TBC1D9B: variants seen among roughly 807,000 people sequenced by gnomAD.
TBC1D9B encodes TBC1 domain family member 9B.
Under a neutral mutation model 121.1 loss-of-function variants are expected in TBC1D9B, and 87 were observed. The ratio of observed to expected loss-of-function variants is 0.72; its 90% CI spans 0.60 to 0.86. The LOEUF is 0.86. TBC1D9B is among the 40% of genes least tolerant of loss of function. TBC1D9B has a pLI of 0.00. For synonymous variants in TBC1D9B, 668 were observed against 670.1 expected, an observed-to-expected ratio of 1.00 and a Z score of 0.05; for missense variants, 1,540 against 1,628.6, an observed-to-expected ratio of 0.95 and a Z score of 0.94.
intron 2 of TBC1D9B, among the ~76,000 whole-genome samples, chr5:179,903,763 G>A (rs1761226385): frequency 6.6e-6 from 1 of 152,198 alleles, no homozygotes; most frequent in Non-Finnish European, 1.5e-5. Context: ...TTAGGAACAA[G>A]AGCGCTATGC....
intron 1 of TBC1D9B, among the ~76,000 whole-genome samples, chr5:179,906,133 G>A (rs1223890732): frequency 6.6e-6 from 1 of 152,232 alleles, no homozygotes; most frequent in East Asian, 1.9e-4. Context: ...AGGTTGGCAT[G>A]TTTTTAATAG....
At position 179,899,324 on chromosome 5, in the gene TBC1D9B, A is replaced by G. The variant is rs775363612; in HGVS notation, c.230-17T>C. The G allele has an allele frequency of 1.1e-5, 17 of 1,606,152 alleles. No homozygotes were observed. Among genetic ancestry groups the G allele is most frequent in the Non-Finnish European group, 1.4e-5 (17 of 1,174,354 alleles). ...GGGAAGAACCTAGAAGAGGTTTGGTAAAGTAAAAGAAAAATCATGAATTCC... is the reference window on the plus strand; with the variant it reads ...GGGAAGAACCTAGAAGAGGTTTGGTGAAGTAAAAGAAAAATCATGAATTCC... On this transcript the variant is annotated splice_polypyrimidine_tract_variant and intron_variant, in intron 2 of 20. Coordinates refer to ENST00000355235, the MANE Select transcript of TBC1D9B (RefSeq NM_015043.4).
chr5:179,896,417 C>T (rs548666831), intron 3 of TBC1D9B, among the ~76,000 whole-genome samples: 5 of 152,274 alleles, frequency 3.3e-5, no homozygotes, highest in African/African-American at 7.2e-5. Context: ...TGTGAGCCAC[C>T]GCGCCTAGCC....
In TBC1D9B at chr5:179,862,981, C is replaced by T. The variant is rs1046100041; in HGVS notation, c.*467G>A. The T allele has an allele frequency of 3.9e-6, 1 of 256,008 alleles. No individual in the cohort carries two copies. Among genetic ancestry groups the T allele is most frequent in the Non-Finnish European group, 7.9e-6 (1 of 125,852 alleles). 15.9% of individuals were successfully genotyped at this position (256,008 alleles called of 1,614,324 possible). A position where few individuals can be genotyped will look rare whatever the true frequency, so the allele number is the denominator to read the frequency against. On this transcript the variant is annotated 3_prime_UTR_variant, in exon 21 of 21. Coordinates refer to ENST00000355235, the MANE Select transcript of TBC1D9B (RefSeq NM_015043.4). ...GGCTCCCGGAGAGCACCTGAGGGTT[C>T]CATCACTTTGGTGCCCAACAAGCAC...
Position 179,891,400 on chromosome 5 carries a change from G to A in TBC1D9B, c.1023C>T (p.His341=), listed in dbSNP as rs752546832. ...CFASKEEDAC[H]LIIPLREVTI... is the part of the protein sequence containing the mutation. ...TGACCTCCCTCAGGGGTATGATGAG[G>A]TGGCAAGCGTCCTCCTCCTTGCTGG... The change falls in exon 6 of 21, where the codon CAC becomes CAT. Residue 341 remains histidine (H), a synonymous_variant. Transcript: ENST00000355235. The surrounding 1 kb of genome is among the most constrained non-coding windows in gnomAD (Gnocchi z 4.3). 6 of 1,614,244 alleles carry A rather than the reference G, an allele frequency of 3.7e-6. No homozygotes were observed. In the South Asian group the frequency reaches 4.4e-5, roughly 12 times the overall value.
At chr5:179,867,553 G>A (rs1760050999) in intron 18 of TBC1D9B, 5 of 1,544,538 alleles carry the variant, frequency 3.2e-6, no homozygotes, top group Admixed American at 2.0e-5. Flanking sequence ...CCAAGGTCCA[G>A]GAAGACAGAG....
chr5:179,878,676 G>C (rs1760435865), intron 9 of TBC1D9B, among the ~76,000 whole-genome samples, 153 bp from the exon 10 acceptor site: 1 of 152,212 alleles, frequency 6.6e-6, no homozygotes, highest in Non-Finnish European at 1.5e-5. Context: ...TTGTGCTCCT[G>C]GGGAGGGTGC....
chr5:179,869,646 C>T (rs1760126043), intron 17 of TBC1D9B, 123 bp downstream of exon 17: 1 of 1,061,426 alleles, frequency 9.4e-7, no homozygotes, highest in South Asian at 1.3e-5. Context: ...CAATGTGAAC[C>T]TCCAGCCTGC....
At chr5:179,864,483 T>G (rs965458943) in intron 20 of TBC1D9B, among the ~76,000 whole-genome samples, 11 of 152,288 alleles carry the variant, frequency 7.2e-5, no homozygotes, top group Admixed American at 6.5e-4. Flanking sequence ...TAGAATCACC[T>G]TTGGTTTTAA....
chr5:179,894,236 G>A, intron 4 of TBC1D9B, 150 bp downstream of exon 4: 9 of 747,354 alleles, frequency 1.2e-5, no homozygotes, highest in East Asian at 2.7e-5. Context: ...GCCTGGCCAA[G>A]GCCGGACAGT....
In TBC1D9B at chr5:179,891,599, G is replaced by C. The variant is rs1232195043; in HGVS notation, c.837-13C>G. 1.2e-6 allele frequency: 2 copies of C among 1,610,738 alleles called. No individual in the cohort carries two copies. The highest frequency in any genetic ancestry group is 1.7e-6 in the Non-Finnish European group (2 of 1,179,338). ...GGCGTCCAGGTCTCTGGGGAAACAA[G>C]GTAGGAGGACAGGAGGAAAGGGGAC... On this transcript the variant is annotated splice_polypyrimidine_tract_variant and intron_variant, in intron 5 of 20. Transcript: ENST00000355235. The surrounding 1 kb of genome is among the most constrained non-coding windows in gnomAD (Gnocchi z 4.3).
intron 14 of TBC1D9B, 44 bp downstream of exon 14, chr5:179,872,848 G>GGCCCCCCCCCCCCCCC: frequency 1.4e-6 from 2 of 1,457,250 alleles, no homozygotes; most frequent in Non-Finnish European, 1.9e-6. Context: ...AGGCACTGCT[G>GGCCCCCCCCCCCCCCC]CCCCCCCAGC....
intron 17 of TBC1D9B, chr5:179,869,239 G>A: frequency 4.0e-6 from 1 of 247,274 alleles, no homozygotes; most frequent in Non-Finnish European, 8.2e-6. Context: ...TGAGGGAGAT[G>A]ACCCCTCCTT....
Position 179,891,295 on chromosome 5 carries a change from G to T in TBC1D9B, c.1044+84C>A. On this transcript the variant is annotated intron_variant, in intron 6 of 20. Coordinates refer to ENST00000355235, the MANE Select transcript of TBC1D9B (RefSeq NM_015043.4). The surrounding 1 kb of genome is among the most constrained non-coding windows in gnomAD (Gnocchi z 4.3). ...TCCCAGGTACCCCCCAGTGAGACAG[G>T]GCAGAGCAGGACAGGCTGGTCCCTG... The T allele has an allele frequency of 7.3e-6, 11 of 1,510,322 alleles. No homozygotes were observed. The South Asian group carries it at 1.1e-4, about 14-fold the overall frequency. 93.6% of individuals were successfully genotyped at this position (1,510,322 alleles called of 1,614,324 possible). A position where few individuals can be genotyped will look rare whatever the true frequency, so the allele number is the denominator to read the frequency against.
chr5:179,884,105 C>T (rs1203642766), intron 7 of TBC1D9B, among the ~76,000 whole-genome samples: 1 of 152,140 alleles, frequency 6.6e-6, no homozygotes, highest in Non-Finnish European at 1.5e-5. Context: ...TTGATCTTTC[C>T]TCAGCCGTAT....
intron 3 of TBC1D9B, among the ~76,000 whole-genome samples, chr5:179,897,224 T>A (rs1761046622): frequency 6.6e-6 from 1 of 152,094 alleles, no homozygotes; most frequent in African/African-American, 2.4e-5. Flanking sequence ...CCTTCTTTTG[T>A]AAGACTGAAG....
chr5:179,899,378 C>A (rs1318422429), intron 2 of TBC1D9B, 71 bp from the exon 3 acceptor site: 2 of 1,369,228 alleles, frequency 1.5e-6, no homozygotes, highest in Non-Finnish European at 1.0e-6. Flanking sequence ...TTCAAAGAAG[C>A]GAGATGAAAG....
chr5:179,876,139 C>T, intron 10 of TBC1D9B, 102 bp from the exon 11 acceptor site: 1 of 796,102 alleles, frequency 1.3e-6, no homozygotes, highest in Non-Finnish European at 1.9e-6. Context: ...CAAGGGCCCA[C>T]ATGATCTTCT....
At chr5:179,880,914 C>T (rs1582087912) in intron 7 of TBC1D9B, among the ~76,000 whole-genome samples, 1 of 152,312 alleles carries the variant, frequency 6.6e-6, no homozygotes, top group East Asian at 1.9e-4. Context: ...GATCCTGCTT[C>T]CCACCTGAGC....
Sources: allele counts gnomAD v4.1 joint callset (sites outside exome capture counted in the v4.1 genomes callset), GRCh38; gene constraint gnomAD v4.1.1; non-coding constraint Gnocchi (gnomAD v3.1); transcripts MANE v1.5; gene names NCBI Gene and HGNC (gene_info 2026-07-23, HGNC 2026-07-21).